Variants in CDH18 observed in about 807,000 individuals in gnomAD.
CDH18 encodes cadherin-18.
A neutral mutation model predicts 67.9 loss-of-function variants in CDH18; 31 were observed. The observed-to-expected ratio is 0.46, with a 90% confidence interval of 0.34 to 0.62. CDH18 has a LOEUF of 0.62. Among genes scored for constraint, CDH18 ranks in the 20% least tolerant of loss-of-function variants. The pLI is 0.01. For missense variants in CDH18, 890 were observed against 975.5 expected (o/e 0.91, Z 1.17); for synonymous variants, 362 against 347.2 (o/e 1.04, Z -0.48).
At chr5:20,004,453 C>T (rs915886791) in intron 2 of CDH18, among the ~76,000 whole-genome samples, 2 of 152,030 alleles carry the variant, frequency 1.3e-5, no homozygotes, top group Non-Finnish European at 1.5e-5. Context: ...AGGGTGGGGT[C>T]GATTGGAGAG....
At chr5:19,906,877 T>C (rs1294324924) in intron 2 of CDH18, among the ~76,000 whole-genome samples, 1 of 152,044 alleles carries the variant, frequency 6.6e-6, no homozygotes, top group East Asian at 1.9e-4. Flanking sequence ...TGTCTGTCTC[T>C]TTCTCTCTAA....
intron 2 of CDH18, among the ~76,000 whole-genome samples, chr5:19,996,688 C>A (rs1252901122): frequency 6.6e-6 from 1 of 151,838 alleles, no homozygotes; most frequent in African/African-American, 2.4e-5. Flanking sequence ...GTTTATTGAT[C>A]ATTTTCTTGT....
At chr5:19,497,377 T>C (rs1015737714) in intron 11 of CDH18, among the ~76,000 whole-genome samples, 2 of 152,232 alleles carry the variant, frequency 1.3e-5, no homozygotes, top group African/African-American at 2.4e-5. Context: ...CCTTAAGCAG[T>C]TCATTAGCTC....
At chr5:20,315,126 T>C (rs115721444) in intron 1 of CDH18, among the ~76,000 whole-genome samples, 10 of 152,170 alleles carry the variant, frequency 6.6e-5, no homozygotes, top group African/African-American at 2.4e-4. Context: ...GTAACAAGAT[T>C]CACTTGCATG....
intron 2 of CDH18, among the ~76,000 whole-genome samples, chr5:20,211,558 T>C (rs1740357489): frequency 6.6e-6 from 1 of 152,100 alleles, no homozygotes; most frequent in African/African-American, 2.4e-5. Context: ...AGAGGAAGGA[T>C]CAGGCAGCAA....
intron 2 of CDH18, among the ~76,000 whole-genome samples, chr5:20,199,367 A>G (rs1739258923): frequency 6.6e-6 from 1 of 152,198 alleles, no homozygotes; most frequent in South Asian, 2.1e-4. Flanking sequence ...TTGGAAGTTT[A>G]GGGTTTAATG....
chr5:20,540,542 AG>A, intron 1 of CDH18, among the ~76,000 whole-genome samples: 1 of 152,308 alleles, frequency 6.6e-6, no homozygotes, highest in Middle Eastern at 3.4e-3. Context: ...GTCCAAATAC[AG>A]TGATACCATT....
At chr5:20,320,484 G>T (rs1174809590) in intron 1 of CDH18, among the ~76,000 whole-genome samples, 1 of 152,114 alleles carries the variant, frequency 6.6e-6, no homozygotes, top group African/African-American at 2.4e-5. Context: ...CTAATTTTTT[G>T]TTTGGAGCCA....
At chr5:20,012,692 G>A (rs1428912244) in intron 2 of CDH18, among the ~76,000 whole-genome samples, 2 of 151,920 alleles carry the variant, frequency 1.3e-5, no homozygotes, top group Non-Finnish European at 2.9e-5. Context: ...AGAAAATGTG[G>A]TACATATATA....
chr5:20,310,278 T>C (rs75485532), intron 1 of CDH18, among the ~76,000 whole-genome samples: 5,699 of 152,244 alleles, frequency 0.037, 267 homozygotes, highest in African/African-American at 0.11. Context: ...AATCTTATCT[T>C]AACACAGCTT....
intron 1 of CDH18, among the ~76,000 whole-genome samples, chr5:20,311,605 G>A (rs1737000728): frequency 1.3e-5 from 2 of 151,998 alleles, no homozygotes; most frequent in Admixed American, 6.6e-5. Context: ...TGAGAACACA[G>A]GGACACAGGA....
chr5:20,125,798 T>C (rs1748772237), intron 2 of CDH18, among the ~76,000 whole-genome samples: 2 of 151,858 alleles, frequency 1.3e-5, no homozygotes, highest in African/African-American at 4.8e-5. Flanking sequence ...ACAATCATAG[T>C]TGATTCCCTT....
intron 1 of CDH18, among the ~76,000 whole-genome samples, chr5:19,982,161 T>A (rs1170788751): frequency 6.6e-6 from 1 of 152,160 alleles, no homozygotes; most frequent in Non-Finnish European, 1.5e-5. Flanking sequence ...TGGGAACTGG[T>A]TTATTTTATA....
At chr5:20,491,676 GGCC>G (rs1753596492) in intron 1 of CDH18, among the ~76,000 whole-genome samples, 1 of 152,144 alleles carries the variant, frequency 6.6e-6, no homozygotes, top group African/African-American at 2.4e-5. Context: ...GTAGTATTCA[GGCC>G]CTCAACTGAT....
intron 2 of CDH18, among the ~76,000 whole-genome samples, chr5:19,864,971 C>T (rs921294578): frequency 1.3e-5 from 2 of 152,124 alleles, no homozygotes; most frequent in Non-Finnish European, 2.9e-5. Flanking sequence ...CCTGGACAGA[C>T]AAGTCTGAAG....
chr5:20,202,692 A>T (rs1014960874), intron 2 of CDH18, among the ~76,000 whole-genome samples: 6 of 151,642 alleles, frequency 4.0e-5, no homozygotes, highest in African/African-American at 1.5e-4. Flanking sequence ...TTTTGCTAGG[A>T]TCATTTTCAG....
intron 1 of CDH18, among the ~76,000 whole-genome samples, chr5:20,493,960 C>A (rs75035167): frequency 0.2 from 28,948 of 143,146 alleles, 3,274 homozygotes; most frequent in East Asian, 0.39. Context: ...AAAAAAAAAA[C>A]CAGCCTTGTG....
intron 1 of CDH18, among the ~76,000 whole-genome samples, chr5:20,497,043 AG>A (rs1753952025): frequency 6.6e-6 from 1 of 152,038 alleles, no homozygotes; most frequent in Non-Finnish European, 1.5e-5. Context: ...GAAGGTAGAA[AG>A]GAAACCATTT....
chr5:20,513,702 C>T (rs1392120820), intron 1 of CDH18, among the ~76,000 whole-genome samples: 1 of 152,066 alleles, frequency 6.6e-6, no homozygotes, highest in African/African-American at 2.4e-5. Context: ...ACAATCATAA[C>T]AATGTCAAAA....
Sources: allele counts gnomAD v4.1 joint callset (sites outside exome capture counted in the v4.1 genomes callset), GRCh38; gene constraint gnomAD v4.1.1; transcripts MANE v1.5; gene names NCBI Gene and HGNC (gene_info 2026-07-23, HGNC 2026-07-21).